EIPR1: variants seen among roughly 807,000 people sequenced by gnomAD.
EIPR1 encodes the protein EARP and GARP complex-interacting protein 1.
Under a neutral mutation model 48.1 loss-of-function variants are expected in EIPR1, and 25 were observed. That is an observed-to-expected ratio of 0.52 (90% CI 0.38 to 0.73). The LOEUF (loss-of-function observed/expected upper bound fraction) is 0.73. Among genes scored for constraint, EIPR1 ranks in the 30% least tolerant of loss-of-function variants. The probability of loss-of-function intolerance (pLI) is 0.00; values close to 1 mark genes in which losing one functional copy is unlikely to be tolerated. For synonymous variants in EIPR1, 204 were observed against 201.9 expected, an observed-to-expected ratio of 1.01 and a Z score of -0.09; for missense variants, 415 against 506.2, an observed-to-expected ratio of 0.82 and a Z score of 1.73.
intron 3 of EIPR1, among the ~76,000 whole-genome samples, chr2:3,297,672 C>T (rs1352318173): frequency 6.6e-6 from 1 of 152,208 alleles, no homozygotes; most frequent in Non-Finnish European, 1.5e-5. Flanking sequence ...CTCTGTAGAG[C>T]AAAATCAGCC....
chr2:3,239,542 G>T (rs1666526162), intron 4 of EIPR1, among the ~76,000 whole-genome samples: 1 of 152,210 alleles, frequency 6.6e-6, no homozygotes, highest in Non-Finnish European at 1.5e-5. Context: ...GCTCTGCATG[G>T]ACATCCCGGG....
chr2:3,227,285 T>C (rs1558236451), intron 4 of EIPR1, among the ~76,000 whole-genome samples: 1 of 152,170 alleles, frequency 6.6e-6, no homozygotes, highest in Non-Finnish European at 1.5e-5. Context: ...CCAAAATGCT[T>C]ACACTGATAT....
At chr2:3,292,004 G>A (rs183102922) in intron 3 of EIPR1, among the ~76,000 whole-genome samples, 91 of 152,346 alleles carry the variant, frequency 6.0e-4, no homozygotes, top group African/African-American at 1.8e-3. Flanking sequence ...ACACGTGCTC[G>A]CCACGGGGCC....
intron 3 of EIPR1, among the ~76,000 whole-genome samples, chr2:3,310,150 G>A (rs1669078705): frequency 6.6e-6 from 1 of 152,176 alleles, no homozygotes; most frequent in South Asian, 2.1e-4. Context: ...TATATATTAG[G>A]AGTGCATGCT....
chr2:3,255,036 G>GA (rs1667110458), intron 4 of EIPR1, among the ~76,000 whole-genome samples: 1 of 151,924 alleles, frequency 6.6e-6, no homozygotes, highest in African/African-American at 2.4e-5. Flanking sequence ...AAGCTTAAGA[G>GA]AAAAAAGAAT....
Position 3,189,301 on chromosome 2 carries a change from C to G in EIPR1, c.*33G>C, listed in dbSNP as rs1394705587. 2.6e-6 allele frequency: 4 copies of G among 1,521,822 alleles called. No individual in the cohort carries two copies. Among genetic ancestry groups the G allele is most frequent in the Non-Finnish European group, 3.6e-6 (4 of 1,124,160 alleles). The allele number at this position is 1,521,822 out of a possible 1,614,324, so 94.3% of individuals were successfully genotyped here. On this transcript the variant is annotated 3_prime_UTR_variant, in exon 9 of 9. Transcript: ENST00000382125. The surrounding 1 kb of genome is among the most constrained non-coding windows in gnomAD (Gnocchi z 4.6). ...TGAGAATCTGCCAAGAGGAAAACCACTCAATGGGACCTGGATAACCCAGGC... is the reference window on the plus strand; with the variant it reads ...TGAGAATCTGCCAAGAGGAAAACCAGTCAATGGGACCTGGATAACCCAGGC...
chr2:3,338,111 T>G lies in EIPR1; in HGVS notation c.165A>C (p.Ile55=), dbSNP rs766899810. ...IIDFDDENNI[I]NKNVLLHQAG... ...CTTGATGGAGGAGGACATTTTTATTTATAATGTTGTTTTCATCGTCAAAAT... is the reference window on the plus strand; with the variant it reads ...CTTGATGGAGGAGGACATTTTTATTGATAATGTTGTTTTCATCGTCAAAAT... The change falls in exon 3 of 9, where the codon ATA becomes ATC. Residue 55 remains isoleucine (I), a synonymous_variant. Transcript: ENST00000382125. 21 of 1,612,470 alleles carry G rather than the reference T, an allele frequency of 1.3e-5. No individual in the cohort carries two copies. The highest frequency in any genetic ancestry group is 1.6e-4 in the Middle Eastern group (1 of 6,078).
intron 8 of EIPR1, among the ~76,000 whole-genome samples, chr2:3,191,923 C>T (rs997799424): frequency 2.0e-5 from 3 of 152,160 alleles, no homozygotes; most frequent in African/African-American, 7.2e-5. Context: ...AAGTAGGACC[C>T]GGGTTTGAGA....
intron 1 of EIPR1, among the ~76,000 whole-genome samples, chr2:3,356,900 G>C (rs745576397): frequency 4.6e-5 from 7 of 152,226 alleles, no homozygotes; most frequent in Non-Finnish European, 8.8e-5. Context: ...AAGGACCAGA[G>C]GCTACACCCT....
intron 2 of EIPR1, 41 bp from the exon 3 acceptor site, chr2:3,338,190 T>C: frequency 6.2e-7 from 1 of 1,602,058 alleles, no homozygotes; most frequent in Non-Finnish European, 8.5e-7. Flanking sequence ...TCTCAAACAC[T>C]TTCCTCAGTA....
At position 3,312,006 on chromosome 2, in the gene EIPR1, T is replaced by C. The variant is rs1340927505; in HGVS notation, c.259+26011A>G. On this transcript the variant is annotated intron_variant, in intron 3 of 8. Transcript: ENST00000382125. The surrounding 1 kb of genome is among the most constrained non-coding windows in gnomAD (Gnocchi z 5.5). ...CCACATAAGGACCTGGCGGTCACTC[T>C]CGTGCTGACATACAAATGACACCCT... Among the ~76,000 whole-genome samples the C allele has an allele frequency of 3.3e-5, 5 of 152,192 alleles. No homozygotes were observed. The highest frequency in any genetic ancestry group is 1.2e-4 in the African/African-American group (5 of 41,446).
intron 3 of EIPR1, among the ~76,000 whole-genome samples, chr2:3,327,628 G>C (rs1048575269): frequency 2.9e-5 from 4 of 138,144 alleles, no homozygotes; most frequent in African/African-American, 1.2e-4. Context: ...TGTGGCAAGA[G>C]TAGCTACAAT....
In EIPR1 at chr2:3,338,054, A is replaced by T; in HGVS notation, c.222T>A (p.Pro74=). The T allele has an allele frequency of 6.2e-7, 1 of 1,611,582 alleles. No homozygotes were observed. Among genetic ancestry groups the T allele is most frequent in the Non-Finnish European group, 8.5e-7 (1 of 1,179,560 alleles). The part of the protein sequence containing the change: ...AGEIWHISAS[P]ADRGVLTTCY... Reference sequence around the variant, plus strand: ...AGGTCGTCAGCACACCTCTGTCTGCAGGGCTAGCGCTAATATGCCAGATTT... The same window carrying T: ...AGGTCGTCAGCACACCTCTGTCTGCTGGGCTAGCGCTAATATGCCAGATTT... The change falls in exon 3 of 9, where the codon CCT becomes CCA. Residue 74 remains proline (P), a synonymous_variant. Coordinates refer to ENST00000382125, the MANE Select transcript of EIPR1 (RefSeq NM_003310.5).
chr2:3,299,899 A>G (rs1668718607), intron 3 of EIPR1, among the ~76,000 whole-genome samples: 1 of 152,076 alleles, frequency 6.6e-6, no homozygotes, highest in African/African-American at 2.4e-5. Context: ...TGGGCCAGTC[A>G]CTCAAGTGCT....
At chr2:3,220,742 A>G (rs1023256773) in intron 4 of EIPR1, among the ~76,000 whole-genome samples, 3 of 151,688 alleles carry the variant, frequency 2.0e-5, no homozygotes, top group Non-Finnish European at 4.4e-5. Context: ...AGTCCGGAAC[A>G]CACGCACACA....
chr2:3,319,620 T>A (rs62121542), intron 3 of EIPR1: 31,295 of 165,516 alleles, frequency 0.19, 3,169 homozygotes, highest in Non-Finnish European at 0.22. Context: ...CCGGCTACAG[T>A]CGAGGCTGTT....
chr2:3,362,374 C>T (rs963081018), intron 1 of EIPR1, among the ~76,000 whole-genome samples: 1 of 152,050 alleles, frequency 6.6e-6, no homozygotes, highest in South Asian at 2.1e-4. Flanking sequence ...GCTTTTCCAG[C>T]GCTCTCCATC....
At chr2:3,252,580 G>A (rs1440986270) in intron 4 of EIPR1, among the ~76,000 whole-genome samples, 5 of 152,254 alleles carry the variant, frequency 3.3e-5, no homozygotes, top group Admixed American at 2.0e-4. Flanking sequence ...GACAGAGGGC[G>A]ATTCCATCTC....
intron 4 of EIPR1, among the ~76,000 whole-genome samples, chr2:3,218,402 G>A (rs1446194243): frequency 9.9e-4 from 98 of 98,584 alleles, no homozygotes; most frequent in African/African-American, 2.9e-3. Flanking sequence ...GCCCTGATAC[G>A]CTCTAGAGCA....
Sources: allele counts gnomAD v4.1 joint callset (sites outside exome capture counted in the v4.1 genomes callset), GRCh38; gene constraint gnomAD v4.1.1; non-coding constraint Gnocchi (gnomAD v3.1); transcripts MANE v1.5; gene names NCBI Gene and HGNC (gene_info 2026-07-23, HGNC 2026-07-21).